MAP2K4: variants seen among roughly 807,000 people sequenced by gnomAD.
The protein encoded by MAP2K4 is mitogen-activated protein kinase kinase 4, also known as dual specificity mitogen-activated protein kinase kinase 4.
MAP2K4 carries 4 observed loss-of-function variants against 48.5 expected under a neutral mutation model. That is an observed-to-expected ratio of 0.08 (90% confidence interval 0.04 to 0.19). The LOEUF (loss-of-function observed/expected upper bound fraction) is 0.19, where lower values mean the gene tolerates loss of function less well. Among genes scored for constraint, MAP2K4 ranks in the 10% least tolerant of loss-of-function variants. The pLI is 1.00. For synonymous variants in MAP2K4, 166 were observed against 173.1 expected (o/e 0.96, Z 0.32); for missense variants, 258 against 493.3 (o/e 0.52, Z 4.52).
chr17:12,113,041 TA>T, intron 6 of MAP2K4, 191 bp from the exon 7 acceptor site: 1 of 459,550 alleles, frequency 2.2e-6, no homozygotes, highest in South Asian at 4.0e-5. Flanking sequence ...TTATAGTTAT[TA>T]AAGCTACATG....
At chr17:12,119,717 C>T (rs554596946) in intron 7 of MAP2K4, among the ~76,000 whole-genome samples, 1 of 152,228 alleles carries the variant, frequency 6.6e-6, no homozygotes, top group South Asian at 2.1e-4. Flanking sequence ...GCACTATTCA[C>T]AATAGCAAAG....
chr17:12,035,802 A>G (rs942694464), intron 1 of MAP2K4, among the ~76,000 whole-genome samples: 1 of 152,224 alleles, frequency 6.6e-6, no homozygotes, highest in African/African-American at 2.4e-5. Flanking sequence ...GCTCAAATCT[A>G]TCACAAATAA....
At position 12,139,050 on chromosome 17, in the gene MAP2K4, T is replaced by C. The variant is rs28921099; in HGVS notation, c.1041-789T>C. 6.2e-3 allele frequency among the ~76,000 whole-genome samples: 949 copies of C among 152,308 alleles called. 2 individuals carry two copies. The highest frequency in any genetic ancestry group is 0.036 in the East Asian group (188 of 5,178). ...AATCTACATAGCACATTGCAGTATC[T>C]GTTACAGAAGGTGTGGGATATGGAA... On this transcript the variant is annotated intron_variant, in intron 9 of 10. Transcript: ENST00000353533.
At chr17:12,113,134 T>TA in intron 6 of MAP2K4, 99 bp from the exon 7 acceptor site, 1 of 1,050,086 alleles carries the variant, frequency 9.5e-7, no homozygotes, top group Non-Finnish European at 1.4e-6. Context: ...CTTGACCACT[T>TA]ATGTTGTCTA....
chr17:12,050,712 A>G (rs1357914127), intron 1 of MAP2K4, among the ~76,000 whole-genome samples: 1 of 152,172 alleles, frequency 6.6e-6, no homozygotes, highest in Non-Finnish European at 1.5e-5. Flanking sequence ...TTGAGAAGTT[A>G]GTGGAGGGAG....
At chr17:12,089,257 A>T (rs1216732386) in intron 3 of MAP2K4, among the ~76,000 whole-genome samples, 1 of 152,156 alleles carries the variant, frequency 6.6e-6, no homozygotes, top group African/African-American at 2.4e-5. Flanking sequence ...GTAGGTGCTT[A>T]TGTAGGGGAA....
chr17:12,093,947 A>G (rs1010308456), intron 3 of MAP2K4, among the ~76,000 whole-genome samples: 3 of 152,222 alleles, frequency 2.0e-5, no homozygotes, highest in Admixed American at 2.0e-4. Flanking sequence ...ACAAATACAG[A>G]TCACATCTCT....
intron 6 of MAP2K4, chr17:12,112,932 T>C (rs529620497): frequency 1.1e-5 from 2 of 179,934 alleles, no homozygotes; most frequent in East Asian, 2.7e-4. Context: ...GTTTTTTCTG[T>C]GTTTTATAAA....
Position 12,087,007 on chromosome 17 carries a change from C to T in MAP2K4, c.393+5477C>T, listed in dbSNP as rs551426484. ...GACTAAAGGCACGCACCACCACACC[C>T]GGCCAATTTTTGTATTATTAGTAGA... On this transcript the variant is annotated intron_variant, in intron 3 of 10. Coordinates refer to ENST00000353533, the MANE Select transcript of MAP2K4 (RefSeq NM_003010.4). Among the ~76,000 whole-genome samples, 21 of 152,112 alleles carry T rather than the reference C, an allele frequency of 1.4e-4. No homozygotes were observed. In the East Asian group the frequency reaches 1.7e-3, roughly 13 times the overall value.
At chr17:12,042,359 T>C (rs539843259) in intron 1 of MAP2K4, among the ~76,000 whole-genome samples, 1 of 152,200 alleles carries the variant, frequency 6.6e-6, no homozygotes, top group East Asian at 1.9e-4. Context: ...AATTGTTTGC[T>C]TTGAGGGTAA....
At chr17:12,027,918 A>T (rs1015313461) in intron 1 of MAP2K4, among the ~76,000 whole-genome samples, 2 of 152,152 alleles carry the variant, frequency 1.3e-5, no homozygotes, top group Non-Finnish European at 2.9e-5. Flanking sequence ...CACCAGAAAG[A>T]TAGGGAAGGT....
intron 4 of MAP2K4, among the ~76,000 whole-genome samples, chr17:12,103,969 AAATGAAG>A (rs1209358790): frequency 2.0e-5 from 3 of 152,176 alleles, no homozygotes; most frequent in Non-Finnish European, 4.4e-5. Flanking sequence ...AACAGCACAA[AAATGAAG>A]AATTGTTTTG....
chr17:12,104,585 A>G (rs950148829), intron 4 of MAP2K4, among the ~76,000 whole-genome samples: 1 of 152,094 alleles, frequency 6.6e-6, no homozygotes, highest in African/African-American at 2.4e-5. Flanking sequence ...TGCCTTTGAT[A>G]TAATTCTACT....
intron 7 of MAP2K4, among the ~76,000 whole-genome samples, chr17:12,116,143 C>T (rs1277724155): frequency 6.6e-6 from 1 of 152,196 alleles, no homozygotes; most frequent in Non-Finnish European, 1.5e-5. Context: ...AATCTGAAAT[C>T]TGCTGGTGTG....
chr17:12,110,455 A>G (rs1972266283), intron 6 of MAP2K4, 29 bp downstream of exon 6: 2 of 1,511,392 alleles, frequency 1.3e-6, no homozygotes, highest in Admixed American at 1.7e-5. Context: ...TTTTTGTAAT[A>G]GAAATTAACT....
intron 4 of MAP2K4, among the ~76,000 whole-genome samples, chr17:12,097,828 G>C (rs1971809589): frequency 6.6e-6 from 1 of 152,128 alleles, no homozygotes; most frequent in Admixed American, 6.6e-5. Context: ...AAGTGGTCCA[G>C]ATATGAAGAT....
chr17:12,086,967 C>G (rs1971387840), intron 3 of MAP2K4, among the ~76,000 whole-genome samples: 2 of 152,294 alleles, frequency 1.3e-5, no homozygotes, highest in South Asian at 2.1e-4. Flanking sequence ...CTGCCTCAGC[C>G]TCCCAAGTAG....
At chr17:12,097,167 C>T (rs1407761501) in intron 4 of MAP2K4, among the ~76,000 whole-genome samples, 1 of 152,172 alleles carries the variant, frequency 6.6e-6, no homozygotes. Context: ...ATGAACTTTT[C>T]TTCACGATCA....
chr17:12,078,967 A>G (rs779286267), intron 2 of MAP2K4, among the ~76,000 whole-genome samples: 9 of 152,166 alleles, frequency 5.9e-5, no homozygotes, highest in Admixed American at 1.3e-4. Flanking sequence ...TGCCTTGGTG[A>G]TGTCATAACT....
Sources: allele counts gnomAD v4.1 joint callset (sites outside exome capture counted in the v4.1 genomes callset), GRCh38; gene constraint gnomAD v4.1.1; transcripts MANE v1.5; gene names NCBI Gene and HGNC (gene_info 2026-07-23, HGNC 2026-07-21).